CELF2: variants seen among roughly 807,000 people sequenced by gnomAD.
The protein encoded by CELF2 is CUG triplet repeat RNA-binding protein 2.
A neutral mutation model predicts 62.6 loss-of-function variants in CELF2; 8 were observed. The ratio of observed to expected loss-of-function variants is 0.13; its 90% CI spans 0.07 to 0.23. The LOEUF (loss-of-function observed/expected upper bound fraction) is 0.23. Ranked by LOEUF, CELF2 falls within the 10% of genes least tolerant of loss-of-function variation. CELF2 has a pLI of 1.00. For missense variants in CELF2, 333 were observed against 671.0 expected (o/e 0.50, Z 5.56); for synonymous variants, 258 against 250.0 (o/e 1.03, Z -0.30).
intron 1 of CELF2, among the ~76,000 whole-genome samples, chr10:10,857,287 G>C (rs1044215663): frequency 1.5e-4 from 23 of 152,076 alleles, no homozygotes; most frequent in Admixed American, 1.2e-3. Context: ...AGAGCTTTCA[G>C]AGAGGTGGGA....
intron 1 of CELF2, among the ~76,000 whole-genome samples, chr10:11,101,392 T>G (rs2051588589): frequency 6.6e-6 from 1 of 152,178 alleles, no homozygotes; most frequent in African/African-American, 2.4e-5. Context: ...GCCATGGGTG[T>G]GAATGAGATT....
Position 11,046,720 on chromosome 10 carries a change from C to G in CELF2, c.74+28557C>G, listed in dbSNP as rs2062922745. ...TACAGGAATGAGGATTCTCATACCT[C>G]CCAAAGAGTTTTTGTAAATCCCATG... is the stretch of plus-strand genomic sequence containing the variant. On this transcript the variant is annotated intron_variant, in intron 1 of 12. Transcript: ENST00000633077. This position sits in a 1 kb window ranked among gnomAD's most constrained non-coding sequence, Gnocchi z 4.6. Among the ~76,000 whole-genome samples the G allele has an allele frequency of 6.6e-6, 1 of 152,202 alleles. No individual in the cohort carries two copies.
intron 1 of CELF2, among the ~76,000 whole-genome samples, chr10:11,077,545 T>C (rs1232397364): frequency 4.6e-5 from 7 of 152,340 alleles, no homozygotes; most frequent in Middle Eastern, 6.8e-3. Context: ...TGAATGTGTA[T>C]GCTTTTGTCT....
the CELF2 span, among the ~76,000 whole-genome samples, chr10:10,509,534 T>A: frequency 1.3e-5 from 2 of 152,184 alleles, no homozygotes; most frequent in Non-Finnish European, 2.9e-5. Flanking sequence ...TTCCCAGCCT[T>A]CAGAACTATG....
the CELF2 span, among the ~76,000 whole-genome samples, chr10:10,625,350 A>T: frequency 2.0e-5 from 3 of 152,232 alleles, no homozygotes; most frequent in Non-Finnish European, 1.5e-5. Context: ...GGCAGCTGCC[A>T]TTACATATTA....
chr10:10,921,016 G>T (rs1461710910), intron 2 of CELF2, among the ~76,000 whole-genome samples: 1 of 151,118 alleles, frequency 6.6e-6, no homozygotes, highest in South Asian at 2.1e-4. Context: ...GTGCAGTGGT[G>T]CAGTCTCAAC....
chr10:11,062,847 T>C (rs2067139686), intron 1 of CELF2, among the ~76,000 whole-genome samples: 1 of 152,150 alleles, frequency 6.6e-6, no homozygotes, highest in East Asian at 1.9e-4. Context: ...TCAAACAGCA[T>C]GGGATGCTTC....
the CELF2 span, among the ~76,000 whole-genome samples, chr10:10,558,063 A>T: frequency 6.7e-6 from 1 of 148,532 alleles, no homozygotes; most frequent in Non-Finnish European, 1.5e-5. Context: ...CAGAACTTCC[A>T]ACACTATGTT....
chr10:11,187,604 CTCT>C (rs200358907), intron 2 of CELF2, among the ~76,000 whole-genome samples: 5,032 of 150,456 alleles, frequency 0.033, 115 homozygotes, highest in Non-Finnish European at 0.047. Context: ...TCCCTTTTGC[CTCT>C]TCTTATTACT....
chr10:11,037,619 T>C (rs1564468930), intron 1 of CELF2, among the ~76,000 whole-genome samples: 2 of 152,270 alleles, frequency 1.3e-5, no homozygotes. Flanking sequence ...CAACAGTTTA[T>C]TAAGAGTGTA....
the CELF2 span, among the ~76,000 whole-genome samples, chr10:10,619,303 G>T: frequency 6.6e-6 from 1 of 152,158 alleles, no homozygotes; most frequent in African/African-American, 2.4e-5. Context: ...TTTCTTTTTA[G>T]CTCCTGTGTC....
the CELF2 span, among the ~76,000 whole-genome samples, chr10:10,748,307 G>A: frequency 4.6e-5 from 7 of 152,110 alleles, no homozygotes; most frequent in Non-Finnish European, 7.3e-5. Context: ...ATCGTTGCAC[G>A]GTCTATGCGT....
At chr10:10,587,062 T>C in the CELF2 span, among the ~76,000 whole-genome samples, 1 of 152,066 alleles carries the variant, frequency 6.6e-6, no homozygotes, top group Non-Finnish European at 1.5e-5. Flanking sequence ...TTAGAAATGA[T>C]CAAAACTGAG....
the CELF2 span, among the ~76,000 whole-genome samples, chr10:10,472,772 G>A: frequency 6.6e-6 from 1 of 151,954 alleles, no homozygotes; most frequent in Non-Finnish European, 1.5e-5. Flanking sequence ...TCGTTGGTGT[G>A]CAGCTACTAA....
intron 2 of CELF2, among the ~76,000 whole-genome samples, chr10:10,987,511 G>A (rs2052911089): frequency 1.3e-5 from 2 of 152,036 alleles, no homozygotes; most frequent in African/African-American, 4.8e-5. Context: ...CTCAAAAAAA[G>A]GTACATAGTC....
intron 1 of CELF2, among the ~76,000 whole-genome samples, chr10:11,113,382 G>A (rs555477729): frequency 1.3e-5 from 2 of 152,248 alleles, no homozygotes; most frequent in East Asian, 3.9e-4. Flanking sequence ...GGGAATTGGG[G>A]GCACCGAATG....
chr10:10,920,210 TG>T (rs1398999147), intron 2 of CELF2, among the ~76,000 whole-genome samples: 31 of 152,350 alleles, frequency 2.0e-4, no homozygotes, highest in African/African-American at 7.2e-4. Context: ...TGTTCATAAA[TG>T]ACTTAGATTA....
chr10:11,190,381 T>A (rs2076007243), intron 2 of CELF2, among the ~76,000 whole-genome samples: 1 of 152,186 alleles, frequency 6.6e-6, no homozygotes. Flanking sequence ...GTTTGCAGGA[T>A]GTTTCAGCAC....
chr10:10,766,917 C>A, the CELF2 span, among the ~76,000 whole-genome samples: 1 of 152,198 alleles, frequency 6.6e-6, no homozygotes, highest in Non-Finnish European at 1.5e-5. Flanking sequence ...TCCTTCTAAG[C>A]CCCTGATGGA....
Sources: allele counts gnomAD v4.1 joint callset (sites outside exome capture counted in the v4.1 genomes callset), GRCh38; gene constraint gnomAD v4.1.1; non-coding constraint Gnocchi (gnomAD v3.1); transcripts MANE v1.5; gene names NCBI Gene and HGNC (gene_info 2026-07-23, HGNC 2026-07-21).